MAMDC2: variants seen among roughly 807,000 people sequenced by gnomAD.
MAMDC2 encodes the protein MAM domain containing 2.
MAMDC2 carries 57 observed loss-of-function variants against 89.8 expected under a neutral mutation model. The observed-to-expected ratio is 0.63, with a 90% CI of 0.51 to 0.79. The LOEUF (loss-of-function observed/expected upper bound fraction) is 0.79. Ranked by LOEUF, MAMDC2 falls within the 30% of genes least tolerant of loss-of-function variation. The pLI, the probability that MAMDC2 is intolerant of heterozygous loss-of-function variation, is 0.00. For missense variants in MAMDC2, 800 were observed against 820.6 expected (o/e 0.97, Z 0.31); for synonymous variants, 313 against 293.4 (o/e 1.07, Z -0.68).
chr9:70,176,555 A>T (rs2032508099), intron 11 of MAMDC2, among the ~76,000 whole-genome samples: 1 of 152,236 alleles, frequency 6.6e-6, no homozygotes, highest in South Asian at 2.1e-4. Context: ...TCTCTGGTGC[A>T]CAACACAGAA....
chr9:70,099,424 A>C (rs1399721772), intron 2 of MAMDC2, among the ~76,000 whole-genome samples: 1 of 152,212 alleles, frequency 6.6e-6, no homozygotes, highest in Non-Finnish European at 1.5e-5. Context: ...TGGCTTATAC[A>C]TAATTGAGGA....
chr9:70,062,179 AT>A (rs896419347), intron 2 of MAMDC2, among the ~76,000 whole-genome samples: 1 of 151,562 alleles, frequency 6.6e-6, no homozygotes, highest in Non-Finnish European at 1.5e-5. Context: ...CTCTTTTCTG[AT>A]TTTTTTTAAT....
At chr9:70,189,860 T>A (rs1563992913) in intron 11 of MAMDC2, among the ~76,000 whole-genome samples, 1 of 152,112 alleles carries the variant, frequency 6.6e-6, no homozygotes, top group South Asian at 2.1e-4. Flanking sequence ...TTCTGCTAGT[T>A]CCAATCTGCT....
At chr9:70,134,957 T>C (rs892515551) in intron 7 of MAMDC2, among the ~76,000 whole-genome samples, 1 of 152,200 alleles carries the variant, frequency 6.6e-6, no homozygotes, top group Admixed American at 6.5e-5. Flanking sequence ...TTTAGTACTC[T>C]AGGGGCTGAT....
rs1430513558 is a variant in MAMDC2 at position 70,143,586 on chromosome 9, T to G, written c.1171T>G (p.Ser391Ala). Residue 391 changes from serine to alanine, a missense_variant, in exon 9 of 14, where the codon TCT (serine) becomes GCT (alanine). Coordinates refer to ENST00000377182, the MANE Select transcript of MAMDC2 (RefSeq NM_153267.5). Reference protein sequence around the residue: ...YYLLANTKFTSQPGYIGRLYG... With the variant: ...YYLLANTKFTAQPGYIGRLYG... The stretch of plus-strand genomic sequence containing the variant: ...CCTGCTAGCCAACACAAAGTTCACA[T>G]CTCAGCCTGGCTACATTGGAAGGCT... The G allele has an allele frequency of 1.2e-6, 2 of 1,614,134 alleles. No homozygotes were observed. Among genetic ancestry groups the G allele is most frequent in the Non-Finnish European group, 8.5e-7 (1 of 1,179,996 alleles).
chr9:70,183,350 G>A (rs2118581430), intron 11 of MAMDC2, among the ~76,000 whole-genome samples: 1 of 152,322 alleles, frequency 6.6e-6, no homozygotes, highest in East Asian at 1.9e-4. Context: ...GAGTTCTGTA[G>A]ATATCTATTA....
chr9:70,204,797 CG>C (rs2033186107), intron 11 of MAMDC2, among the ~76,000 whole-genome samples: 1 of 152,182 alleles, frequency 6.6e-6, no homozygotes, highest in Admixed American at 6.5e-5. Flanking sequence ...GAGCAATATT[CG>C]GGTGGGAGTG....
intron 11 of MAMDC2, among the ~76,000 whole-genome samples, chr9:70,175,395 C>T (rs2032466759): frequency 6.6e-6 from 1 of 152,172 alleles, no homozygotes; most frequent in African/African-American, 2.4e-5. Context: ...AGAGAAAGAG[C>T]AACGTTCTGA....
intron 11 of MAMDC2, among the ~76,000 whole-genome samples, chr9:70,195,978 A>T (rs543022218): frequency 6.6e-6 from 1 of 152,292 alleles, no homozygotes; most frequent in South Asian, 2.1e-4. Flanking sequence ...TTATAAAGGA[A>T]AGGAGGTTTA....
At chr9:70,089,063 G>A (rs542175509) in intron 2 of MAMDC2, 2 of 152,248 alleles carry the variant, frequency 1.3e-5, no homozygotes, top group African/African-American at 4.8e-5. Flanking sequence ...AAGGCTTGGA[G>A]GAGGTTGATT....
At position 70,045,938 on chromosome 9, in the gene MAMDC2, GA is replaced by G. The variant is rs11337277; in HGVS notation, c.148+1246del. Among the ~76,000 whole-genome samples, 636 of 152,266 alleles carry G rather than the reference GA, an allele frequency of 4.2e-3. 2 individuals carry two copies. Among genetic ancestry groups the G allele is most frequent in the African/African-American group, 0.015 (608 of 41,560 alleles). ...CTACAGTCTACTTAGGGGTGGCTGG[GA>G]AAAAGCAATTCTTGATTTATTATTC... On this transcript the variant is annotated intron_variant, in intron 2 of 13. Coordinates refer to ENST00000377182, the MANE Select transcript of MAMDC2 (RefSeq NM_153267.5).
At chr9:70,135,027 G>A (rs993646151) in intron 7 of MAMDC2, among the ~76,000 whole-genome samples, 1 of 152,136 alleles carries the variant, frequency 6.6e-6, no homozygotes, top group Non-Finnish European at 1.5e-5. Flanking sequence ...AGGGAGCAGA[G>A]GAAACGATGA....
intron 2 of MAMDC2, among the ~76,000 whole-genome samples, chr9:70,081,020 A>G (rs1019555981): frequency 6.6e-6 from 1 of 152,154 alleles, no homozygotes; most frequent in Non-Finnish European, 1.5e-5. Flanking sequence ...TAAAGTAGGC[A>G]CTTAATAATA....
intron 11 of MAMDC2, among the ~76,000 whole-genome samples, chr9:70,205,126 C>T (rs954154145): frequency 9.2e-5 from 14 of 152,226 alleles, no homozygotes; most frequent in Non-Finnish European, 1.8e-4. Context: ...CCAGATTCTA[C>T]TTACACAGAG....
chr9:70,122,084 T>C (rs2030311093), intron 5 of MAMDC2, among the ~76,000 whole-genome samples: 1 of 152,196 alleles, frequency 6.6e-6, no homozygotes, highest in Non-Finnish European at 1.5e-5. Flanking sequence ...TGTTCCCCAA[T>C]GAGAAGCTTA....
At chr9:70,210,475 C>G (rs1024526388) in intron 11 of MAMDC2, among the ~76,000 whole-genome samples, 1 of 152,034 alleles carries the variant, frequency 6.6e-6, no homozygotes, top group Non-Finnish European at 1.5e-5. Flanking sequence ...TTCTTGTTTT[C>G]CATTTGCTTG....
intron 11 of MAMDC2, among the ~76,000 whole-genome samples, chr9:70,213,528 T>C (rs992197173): frequency 2.0e-5 from 3 of 152,216 alleles, no homozygotes; most frequent in African/African-American, 7.2e-5. Flanking sequence ...TTAGGTGATA[T>C]ACTATGGTCA....
intron 2 of MAMDC2, chr9:70,060,660 C>T (rs781627975): frequency 2.0e-5 from 3 of 152,126 alleles, no homozygotes; most frequent in Non-Finnish European, 2.9e-5. Flanking sequence ...AATTCCAAGA[C>T]ACTGCCCAGT....
At chr9:70,222,538 G>A (rs2033584508) in intron 12 of MAMDC2, among the ~76,000 whole-genome samples, 1 of 152,140 alleles carries the variant, frequency 6.6e-6, no homozygotes, top group Non-Finnish European at 1.5e-5. Context: ...GATCATCCCT[G>A]TGGGAAAAAG....
Sources: gnomAD v4.1 joint callset for allele counts (sites outside exome capture counted in the v4.1 genomes callset) on GRCh38, gnomAD v4.1.1 for gene constraint, MANE v1.5 for transcripts, NCBI Gene and HGNC (gene_info 2026-07-23, HGNC 2026-07-21) for gene names.